The following RYR1 variants were observed in gnomAD, a reference collection of about 807,000 sequenced individuals.
RYR1 encodes the protein central core disease of muscle.
RYR1 carries 342 observed loss-of-function variants against 583.5 expected under a neutral mutation model. That is an observed-to-expected ratio of 0.59 (90% CI 0.54 to 0.64). The LOEUF is 0.64. RYR1 is among the 30% of genes least tolerant of loss of function. The pLI, the probability that RYR1 is intolerant of heterozygous loss-of-function variation, is 0.00. For synonymous variants in RYR1, 2,791 were observed against 2,822.5 expected, an observed-to-expected ratio of 0.99 and a Z score of 0.35; for missense variants, 6,032 against 6,917.2, an observed-to-expected ratio of 0.87 and a Z score of 4.54.
intron 23 of RYR1, among the ~76,000 whole-genome samples, chr19:38,465,184 G>T (rs551827295): frequency 6.6e-6 from 1 of 152,112 alleles, no homozygotes; most frequent in African/African-American, 2.4e-5. Flanking sequence ...AGAAACCTCA[G>T]AGTGGGCTGG....
chr19:38,487,907 C>T (rs1191761214), intron 34 of RYR1, among the ~76,000 whole-genome samples: 1 of 152,204 alleles, frequency 6.6e-6, no homozygotes, highest in Non-Finnish European at 1.5e-5. Context: ...GTTAGGATTA[C>T]AGGCATGAGA....
rs770132934 is a variant in RYR1, at chr19:38,525,334, C to T, written c.10458C>T (p.Ser3486=). The T allele has an allele frequency of 2.4e-5, 37 of 1,534,552 alleles. No individual in the cohort carries two copies. The highest frequency in any genetic ancestry group is 2.8e-5 in the Non-Finnish European group (32 of 1,133,252). ...TGCTGAGCCCTGTGTCCCCACAGTCCGGTGGCTCGGACCAGGAACGCACCA... is the reference window on the plus strand; with the variant it reads ...TGCTGAGCCCTGTGTCCCCACAGTCTGGTGGCTCGGACCAGGAACGCACCA... ...SKMAKAGDIQ[S]GGSDQERTKK... is the part of the protein sequence containing the mutation. Residue 3486 remains serine, a splice_region_variant and synonymous_variant, in exon 71 of 106, where the codon TCC becomes TCT. Transcript: ENST00000359596.
rs147809889 is a variant in RYR1 at position 38,464,006 on chromosome 19, G to A, written c.2786+156G>A. On this transcript the variant is annotated intron_variant, in intron 22 of 105. Transcript: ENST00000359596. ...AACAAATGGGGAGTGGCCGGGCACGGTGGCTCACACCTGTAATCCTAGCAC... is the reference window on the plus strand; with the variant it reads ...AACAAATGGGGAGTGGCCGGGCACGATGGCTCACACCTGTAATCCTAGCAC... 3.1e-3 allele frequency among the ~76,000 whole-genome samples: 478 copies of A among 152,122 alleles called. 16 individuals are homozygous for A. Among genetic ancestry groups the A allele is most frequent in the Admixed American group, 0.028 (422 of 15,270 alleles).
intron 100 of RYR1, 116 bp downstream of exon 100, chr19:38,580,244 A>T (rs1974137974): frequency 6.3e-7 from 1 of 1,587,538 alleles, no homozygotes; most frequent in African/African-American, 1.4e-5. Flanking sequence ...AGGTGCGCTG[A>T]GCCGGGGGTG....
intron 11 of RYR1, 151 bp from the exon 12 acceptor site, chr19:38,451,613 C>CG (rs939715710): frequency 3.0e-4 from 263 of 878,792 alleles, no homozygotes; most frequent in Non-Finnish European, 4.4e-4. Flanking sequence ...AGACAGATGA[C>CG]GGGGGACAGA....
Position 38,463,169 on chromosome 19 carries a change from A to G in RYR1, c.2578-254A>G, listed in dbSNP as rs118128821. ...CCCCCCCCCCCCACTTAGCCTCCCA[A>G]AGTGCTGGGATTACAGATGTGAGCC... On this transcript the variant is annotated intron_variant, in intron 20 of 105. Coordinates refer to ENST00000359596, the MANE Select transcript of RYR1 (RefSeq NM_000540.3). Among the ~76,000 whole-genome samples, 780 of 20,758 alleles carry G rather than the reference A, an allele frequency of 0.038. 65 individuals carry two copies. Among genetic ancestry groups the G allele is most frequent in the East Asian group, 0.32 (710 of 2,190 alleles). The allele number at this position is 20,758 out of a possible 152,430, so 13.6% of individuals were successfully genotyped here. A position where few individuals can be genotyped will look rare whatever the true frequency, so the allele number is the denominator to read the frequency against.
At chr19:38,474,262 TTTTC>T (rs966561252) in intron 28 of RYR1, among the ~76,000 whole-genome samples, 12 of 151,980 alleles carry the variant, frequency 7.9e-5, no homozygotes, top group Middle Eastern at 3.4e-3. Flanking sequence ...GGTTTCCTTT[TTTTC>T]TTTCTATCTT....
At chr19:38,473,291 G>T in intron 27 of RYR1, 86 bp from the exon 28 acceptor site, 4 of 1,523,938 alleles carry the variant, frequency 2.6e-6, no homozygotes, top group Non-Finnish European at 2.7e-6. Flanking sequence ...TGGCCTAATG[G>T]TGGCTCCGTG....
chr19:38,455,519 A>T lies in RYR1; in HGVS notation c.1645A>T (p.Lys549Ter). ...CACAAACTTGGACTGGCTGGTCAGC[A>T]AGCTGGATCGGCTGGAGGCCTCGTC... The part of the protein sequence containing the change: ...FSTNLDWLVS[K>*]LDRLEASSGI... The change falls in exon 15 of 106, where the codon AAG (lysine) becomes TAG (stop). Residue 549 changes from lysine (K) to a stop codon, truncating the protein, a stop_gained. Coordinates refer to ENST00000359596, the MANE Select transcript of RYR1 (RefSeq NM_000540.3). LOFTEE classifies it high-confidence loss of function. 2 of 1,614,102 alleles carry T rather than the reference A, an allele frequency of 1.2e-6. No homozygotes were observed. The highest frequency in any genetic ancestry group is 8.5e-7 in the Non-Finnish European group (1 of 1,180,018).
At chr19:38,445,711 A>G (rs11083457) in intron 7 of RYR1, among the ~76,000 whole-genome samples, 91,320 of 152,022 alleles carry the variant, frequency 0.6, 27,967 homozygotes, top group Admixed American at 0.67. Context: ...ACTCAAGGCC[A>G]AGCGCGGTGG....
At chr19:38,584,796 C>T (rs1362773378) in intron 101 of RYR1, 147 bp from the exon 102 acceptor site, 1 of 906,186 alleles carries the variant, frequency 1.1e-6, no homozygotes, top group South Asian at 1.5e-5. Flanking sequence ...TGGTCCCTGT[C>T]TGATGCCGTA....
At chr19:38,461,025 C>G (rs1476184088) in intron 20 of RYR1, among the ~76,000 whole-genome samples, 1 of 151,990 alleles carries the variant, frequency 6.6e-6, no homozygotes, top group Non-Finnish European at 1.5e-5. Flanking sequence ...AGCATGGTGG[C>G]AGGTGCCTGT....
rs967242791 is a variant in RYR1, at chr19:38,519,141, T to C, written c.10019-73T>C. The C allele has an allele frequency of 3.1e-6, 5 of 1,610,762 alleles. No individual in the cohort carries two copies. The African/African-American group carries it at 6.7e-5, about 22-fold the overall frequency. On this transcript the variant is annotated intron_variant, in intron 66 of 105. Transcript: ENST00000359596. ...CTAGGTTGGAGATGCTGTTTGGGAGTCGGGCTGGGAACGGAGTTTGGGGCC... is the reference window on the plus strand; with the variant it reads ...CTAGGTTGGAGATGCTGTTTGGGAGCCGGGCTGGGAACGGAGTTTGGGGCC...
At position 38,460,749 on chromosome 19, in the gene RYR1, G is replaced by A. The variant is rs144880434; in HGVS notation, c.2577+158G>A. Among the ~76,000 whole-genome samples the A allele has an allele frequency of 4.1e-3, 620 of 152,314 alleles. 7 individuals carry two copies. The highest frequency in any genetic ancestry group is 0.014 in the African/African-American group (599 of 41,568). Reference sequence around the variant, plus strand: ...GCCCAGCAATTTGGGAGGCCGAGGCGGGTGGATCACCTGAGGTCAGGAGTT... The same window carrying A: ...GCCCAGCAATTTGGGAGGCCGAGGCAGGTGGATCACCTGAGGTCAGGAGTT... On this transcript the variant is annotated intron_variant, in intron 20 of 105. Coordinates refer to ENST00000359596, the MANE Select transcript of RYR1 (RefSeq NM_000540.3).
chr19:38,507,537 A>G (rs1466492374), intron 57 of RYR1, among the ~76,000 whole-genome samples, 175 bp from the exon 58 acceptor site: 1 of 144,664 alleles, frequency 6.9e-6, no homozygotes, highest in Non-Finnish European at 1.5e-5. Context: ...GTGGGGCCAG[A>G]GAGGGGAGAA....
chr19:38,504,623 G>A (rs541665356), intron 50 of RYR1, 125 bp from the exon 51 acceptor site: 26 of 1,335,456 alleles, frequency 1.9e-5, no homozygotes, highest in Non-Finnish European at 2.4e-5. Flanking sequence ...TTCAAGGAGA[G>A]GGACCATAAT....
chr19:38,555,347 G>A (rs1174341529), intron 89 of RYR1, among the ~76,000 whole-genome samples: 1 of 151,526 alleles, frequency 6.6e-6, no homozygotes, highest in South Asian at 2.1e-4. Flanking sequence ...AGCTACTTGC[G>A]AGGCTGAGGT....
rs139410809 is a variant in RYR1 at position 38,540,093 on chromosome 19, AAAGTT to A, written c.11689+2137_11689+2141del. Among the ~76,000 whole-genome samples, 802 of 152,230 alleles carry A rather than the reference AAAGTT, an allele frequency of 5.3e-3. 5 individuals are homozygous for A. The highest frequency in any genetic ancestry group is 0.018 in the African/African-American group (764 of 41,538). ...AGAGCAATTGTGAACTGACTGTAAAAAAGTTAAGGGGAAAGAAAAACGGGGGGCAA... is the reference window on the plus strand; with the variant it reads ...AGAGCAATTGTGAACTGACTGTAAAAAAGGGGAAAGAAAAACGGGGGGCAA... On this transcript the variant is annotated intron_variant, in intron 84 of 105. Transcript: ENST00000359596.
chr19:38,477,891 T>TGGGG, intron 30 of RYR1, 21 bp downstream of exon 30: 2 of 528,642 alleles, frequency 3.8e-6, no homozygotes, highest in East Asian at 5.1e-5. Flanking sequence ...TGGGGGGAGG[T>TGGGG]GGGAGGTGCA....
Sources: allele counts gnomAD v4.1 joint callset (sites outside exome capture counted in the v4.1 genomes callset), GRCh38; gene constraint gnomAD v4.1.1; transcripts MANE v1.5; gene names NCBI Gene and HGNC (gene_info 2026-07-23, HGNC 2026-07-21).